TENM3: variants seen among roughly 807,000 people sequenced by gnomAD.
TENM3 encodes teneurin transmembrane protein 3, also known as teneurin-3.
In TENM3, 63 loss-of-function variants were observed where a neutral mutation model predicts 255.1. The ratio of observed to expected loss-of-function variants is 0.25; its 90% CI spans 0.20 to 0.30. The LOEUF (loss-of-function observed/expected upper bound fraction) is 0.30. TENM3 is among the 10% of genes least tolerant of loss of function. TENM3 has a pLI of 1.00. For missense variants in TENM3, 2,929 were observed against 3,461.1 expected, an observed-to-expected ratio of 0.85 and a Z score of 3.86; for synonymous variants, 1,306 against 1,322.3, an observed-to-expected ratio of 0.99 and a Z score of 0.27.
At chr4:182,066,324 G>A in the TENM3 span, among the ~76,000 whole-genome samples, 1 of 151,940 alleles carries the variant, frequency 6.6e-6, no homozygotes, top group Non-Finnish European at 1.5e-5. Context: ...CAACTCAAAT[G>A]TTTTCATGTG....
rs796785273 is a variant in TENM3 at position 182,196,537 on chromosome 4, C to T, written c.-76+51783C>T. 2.8e-4 allele frequency among the ~76,000 whole-genome samples: 43 copies of T among 152,172 alleles called. 1 individual carries two copies. The highest frequency in any genetic ancestry group is 8.9e-4 in the African/African-American group (37 of 41,538). ...GGTAAGCCTGGCCCTGGACACCAGG[C>T]GCCTCACCTTCCCCATCTTGTTTTC... On this transcript the variant is annotated intron_variant, in intron 1 of 2. Coordinates refer to the TENM3 transcript ENST00000512480.
chr4:181,723,490 C>T, the TENM3 span, among the ~76,000 whole-genome samples: 4 of 151,788 alleles, frequency 2.6e-5, no homozygotes, highest in Non-Finnish European at 5.9e-5. Flanking sequence ...CTGAAAATAC[C>T]TTTATTCTGC....
the TENM3 span, among the ~76,000 whole-genome samples, chr4:181,993,243 T>C: frequency 6.6e-6 from 1 of 152,170 alleles, no homozygotes; most frequent in Non-Finnish European, 1.5e-5. Flanking sequence ...TTTTCTCATT[T>C]TGTTAATAGG....
Position 182,172,374 on chromosome 4 carries a change from C to T in TENM3, c.-76+27620C>T, listed in dbSNP as rs556976703. On this transcript the variant is annotated intron_variant, in intron 1 of 2. Transcript: ENST00000512480. Reference sequence around the variant, plus strand: ...TTGCAATACAAAACAGTATCTAATTCGGTACCAAAGGAGATATTTCATGAA... The same window carrying T: ...TTGCAATACAAAACAGTATCTAATTTGGTACCAAAGGAGATATTTCATGAA... 9.2e-5 allele frequency among the ~76,000 whole-genome samples: 14 copies of T among 152,222 alleles called. No homozygotes were observed. In the East Asian group the frequency reaches 2.1e-3, roughly 23 times the overall value.
At chr4:182,279,929 T>C (rs1435175918) in intron 1 of TENM3, among the ~76,000 whole-genome samples, 1 of 152,206 alleles carries the variant, frequency 6.6e-6, no homozygotes, top group Non-Finnish European at 1.5e-5. Context: ...AATATTGCCT[T>C]GAAACCCACA....
chr4:182,070,369 A>C, the TENM3 span, among the ~76,000 whole-genome samples: 1 of 152,346 alleles, frequency 6.6e-6, no homozygotes, highest in East Asian at 1.9e-4. Context: ...CTGTAATCCC[A>C]GCCCTTTGGG....
At chr4:181,470,155 T>G in the TENM3 span, among the ~76,000 whole-genome samples, 1 of 150,526 alleles carries the variant, frequency 6.6e-6, no homozygotes, top group Non-Finnish European at 1.5e-5. Flanking sequence ...TTCTATTTAC[T>G]GATGTTTTAA....
chr4:181,954,085 G>T, the TENM3 span, among the ~76,000 whole-genome samples: 1 of 152,170 alleles, frequency 6.6e-6, no homozygotes, highest in Non-Finnish European at 1.5e-5. Flanking sequence ...TGTCCATGTA[G>T]TTGCATGTAT....
chr4:181,733,292 T>C, the TENM3 span, among the ~76,000 whole-genome samples: 1 of 152,218 alleles, frequency 6.6e-6, no homozygotes, highest in South Asian at 2.1e-4. Flanking sequence ...TTAAAAGTGG[T>C]CTTAAAATGT....
the TENM3 span, among the ~76,000 whole-genome samples, chr4:182,001,776 C>A: frequency 6.6e-6 from 1 of 151,978 alleles, no homozygotes; most frequent in African/African-American, 2.4e-5. Context: ...CAGAGATAAG[C>A]AACACATAAA....
At chr4:182,520,211 T>TA (rs921864079) in intron 3 of TENM3, among the ~76,000 whole-genome samples, 18 of 151,882 alleles carry the variant, frequency 1.2e-4, no homozygotes, top group East Asian at 7.7e-4. Flanking sequence ...AAGGAATCTT[T>TA]AAAAAAAAAT....
chr4:182,681,652 A>G (rs1186591254), intron 10 of TENM3, among the ~76,000 whole-genome samples, 162 bp from the exon 11 acceptor site: 2 of 152,192 alleles, frequency 1.3e-5, no homozygotes, highest in Non-Finnish European at 1.5e-5. Flanking sequence ...GCTTTATTGT[A>G]TTATAATTCT....
In TENM3 at chr4:182,789,208, C is replaced by T. The variant is rs558895463; in HGVS notation, c.5420C>T (p.Pro1807Leu). 2.8e-5 allele frequency: 45 copies of T among 1,613,350 alleles called. No homozygotes were observed. Among genetic ancestry groups the T allele is most frequent in the East Asian group, 1.8e-4 (8 of 44,858 alleles). The change falls in exon 25 of 28, where the codon CCG becomes CTG. Residue 1807 changes from proline to leucine, a missense_variant. Coordinates refer to ENST00000511685, the MANE Select transcript of TENM3 (RefSeq NM_001080477.4). The surrounding 1 kb of genome is among the most constrained non-coding windows in gnomAD (Gnocchi z 4.4). ...ATCGCCTACGACACGTCTGGGCACC[C>T]GACTCTCTGGCTGCCAAGCAGCAAG... ...LRIAYDTSGH[P>L]TLWLPSSKLM...
At chr4:182,710,166 G>C (rs1309647673) in intron 12 of TENM3, among the ~76,000 whole-genome samples, 1 of 152,134 alleles carries the variant, frequency 6.6e-6, no homozygotes, top group Admixed American at 6.5e-5. Flanking sequence ...ACAGTGATCA[G>C]CGTTATTAAT....
the TENM3 span, among the ~76,000 whole-genome samples, chr4:181,956,328 G>A: frequency 1.3e-5 from 2 of 152,156 alleles, no homozygotes; most frequent in African/African-American, 4.8e-5. Flanking sequence ...TGAAATATAA[G>A]AGCAACAATT....
the TENM3 span, among the ~76,000 whole-genome samples, chr4:181,578,966 C>A: frequency 6.6e-6 from 1 of 152,052 alleles, no homozygotes. Flanking sequence ...ACATGCAAAC[C>A]GCTGGAAAAG....
At chr4:181,856,186 G>T in the TENM3 span, among the ~76,000 whole-genome samples, 1 of 149,484 alleles carries the variant, frequency 6.7e-6, no homozygotes, top group Non-Finnish European at 1.5e-5. Flanking sequence ...GGGAAGGAAG[G>T]GAGGGAGGGG....
intron 18 of TENM3, among the ~76,000 whole-genome samples, chr4:182,741,615 A>T (rs1035042328): frequency 7.9e-5 from 12 of 152,226 alleles, no homozygotes; most frequent in Non-Finnish European, 1.8e-4. Flanking sequence ...ATAGCTCCAT[A>T]ATTATCAACT....
chr4:181,605,588 A>AGAGAGAGAGAGAAAGAAAG, the TENM3 span, among the ~76,000 whole-genome samples: 1 of 37,552 alleles, frequency 2.7e-5, no homozygotes, highest in Non-Finnish European at 5.7e-5. Context: ...AAGAAAGGAA[A>AGAGAGAGAGAGAAAGAAAG]GAAAGAAAGA....
Sources: gnomAD v4.1 joint callset for allele counts (sites outside exome capture counted in the v4.1 genomes callset) on GRCh38, gnomAD v4.1.1 for gene constraint, Gnocchi (gnomAD v3.1) non-coding constraint, MANE v1.5 for transcripts, NCBI Gene and HGNC (gene_info 2026-07-23, HGNC 2026-07-21) for gene names.